The following CNTN3 variants were observed in gnomAD, a reference collection of about 807,000 sequenced individuals.
CNTN3 encodes contactin-3.
A neutral mutation model predicts 119.1 loss-of-function variants in CNTN3; 60 were observed. The ratio of observed to expected loss-of-function variants is 0.50; its 90% CI spans 0.41 to 0.62. CNTN3 has a LOEUF of 0.62. Among genes scored for constraint, CNTN3 ranks in the 20% least tolerant of loss-of-function variants. The pLI is 0.00. For synonymous variants in CNTN3, 450 were observed against 438.7 expected, an observed-to-expected ratio of 1.03 and a Z score of -0.32; for missense variants, 1,101 against 1,242.4, an observed-to-expected ratio of 0.89 and a Z score of 1.71.
chr3:74,548,910 T>C (rs1703949955), intron 1 of CNTN3, among the ~76,000 whole-genome samples: 1 of 152,214 alleles, frequency 6.6e-6, no homozygotes, highest in South Asian at 2.1e-4. Context: ...TGTACATTCA[T>C]GGTCTTACCC....
chr3:74,471,535 A>G (rs1170803560), intron 4 of CNTN3, among the ~76,000 whole-genome samples: 1 of 152,072 alleles, frequency 6.6e-6, no homozygotes, highest in Non-Finnish European at 1.5e-5. Flanking sequence ...GCCACAGAAC[A>G]CCTAGCGTTA....
chr3:74,599,927 T>G (rs1445758883), intron 1 of CNTN3, among the ~76,000 whole-genome samples: 1 of 152,054 alleles, frequency 6.6e-6, no homozygotes, highest in Admixed American at 6.6e-5. Flanking sequence ...GAACATTATG[T>G]TGAACCTTAA....
chr3:74,486,549 G>T lies in CNTN3; in HGVS notation c.265C>A (p.Pro89Thr), dbSNP rs1702862404. 1.2e-6 allele frequency: 2 copies of T among 1,609,992 alleles called. No individual in the cohort carries two copies. The highest frequency in any genetic ancestry group is 1.3e-5 in the African/African-American group (1 of 74,632). Residue 89 changes from proline to threonine, a missense_variant, in exon 4 of 23, where the codon CCC becomes ACC. Transcript: ENST00000263665. ...GTTCCTGTATCCCAATTTCTGTTGG[G>T]ATTAATAACCACAAGATTTCCTCCA... ...LNGGNLVVIN[P>T]NRNWDTGTYQ...
At position 74,369,369 on chromosome 3, in the gene CNTN3, T is replaced by C. The variant is rs960937500; in HGVS notation, c.766A>G (p.Ile256Val). 1.4e-5 allele frequency: 22 copies of C among 1,598,756 alleles called. No homozygotes were observed. The highest frequency in any genetic ancestry group is 5.3e-5 in the Admixed American group (3 of 57,022). The part of the protein sequence containing the change: ...KLECFALGNP[I>V]PQINWRRSDG... ...CTTCTTCTCCAATTAATCTGAGGTA[T>C]GGGACTAAGAAGAAAATCGTCAAGT... The change falls in exon 8 of 23, where the codon ATA (isoleucine) becomes GTA (valine). Residue 256 changes from isoleucine to valine, a missense_variant. Coordinates refer to ENST00000263665, the MANE Select transcript of CNTN3 (RefSeq NM_020872.3).
intron 11 of CNTN3, among the ~76,000 whole-genome samples, chr3:74,338,464 A>G (rs183765533): frequency 4.1e-4 from 61 of 150,360 alleles, no homozygotes; most frequent in East Asian, 1.4e-3. Context: ...ACATATGTGT[A>G]TACACATATG....
At chr3:74,476,656 A>G (rs1298616618) in intron 4 of CNTN3, among the ~76,000 whole-genome samples, 1 of 152,196 alleles carries the variant, frequency 6.6e-6, no homozygotes, top group African/African-American at 2.4e-5. Flanking sequence ...TTAGAGTTAA[A>G]CAAATAAAGT....
At chr3:74,315,960 C>T (rs1702822095) in intron 13 of CNTN3, among the ~76,000 whole-genome samples, 1 of 152,092 alleles carries the variant, frequency 6.6e-6, no homozygotes, top group Non-Finnish European at 1.5e-5. Context: ...ATTACTATGT[C>T]CTCAAAGGCA....
chr3:74,345,075 T>G (rs919238440), intron 11 of CNTN3, among the ~76,000 whole-genome samples: 1 of 152,218 alleles, frequency 6.6e-6, no homozygotes, highest in Non-Finnish European at 1.5e-5. Context: ...ACATTTTCTT[T>G]TATGATGACT....
chr3:74,335,595 T>A (rs1342870495), intron 12 of CNTN3, among the ~76,000 whole-genome samples: 1 of 152,152 alleles, frequency 6.6e-6, no homozygotes, highest in Non-Finnish European at 1.5e-5. Context: ...TTGTCTACAA[T>A]TATGCTAGTC....
At chr3:74,335,273 C>T (rs1168007487) in intron 12 of CNTN3, among the ~76,000 whole-genome samples, 1 of 151,884 alleles carries the variant, frequency 6.6e-6, no homozygotes, top group Non-Finnish European at 1.5e-5. Context: ...GTGTTTTCAC[C>T]AACTTTGACT....
At chr3:74,449,382 T>C (rs1000260678) in intron 4 of CNTN3, among the ~76,000 whole-genome samples, 1 of 151,834 alleles carries the variant, frequency 6.6e-6, no homozygotes, top group Non-Finnish European at 1.5e-5. Flanking sequence ...AACACTAATC[T>C]CTGTAGTCAT....
intron 1 of CNTN3, among the ~76,000 whole-genome samples, chr3:74,596,944 G>A (rs561621041): frequency 2.6e-5 from 4 of 152,152 alleles, no homozygotes; most frequent in East Asian, 1.9e-4. Flanking sequence ...GAGTAATCCC[G>A]TTACCTTCCA....
At chr3:74,481,856 T>C (rs958522122) in intron 4 of CNTN3, among the ~76,000 whole-genome samples, 4 of 151,712 alleles carry the variant, frequency 2.6e-5, no homozygotes, top group Non-Finnish European at 4.4e-5. Flanking sequence ...TAAGAGAAAA[T>C]TAAATATATG....
At chr3:74,341,575 A>T (rs1018664485) in intron 11 of CNTN3, among the ~76,000 whole-genome samples, 1 of 152,056 alleles carries the variant, frequency 6.6e-6, no homozygotes, top group African/African-American at 2.4e-5. Context: ...TTCCTTTTGT[A>T]GTAGGAGGTT....
chr3:74,496,923 A>G (rs1575783211), intron 3 of CNTN3, among the ~76,000 whole-genome samples: 1 of 152,148 alleles, frequency 6.6e-6, no homozygotes, highest in Non-Finnish European at 1.5e-5. Context: ...AACAAAGACA[A>G]GATCACTCTT....
chr3:74,443,604 G>A (rs1702001549), intron 4 of CNTN3, among the ~76,000 whole-genome samples: 1 of 152,072 alleles, frequency 6.6e-6, no homozygotes, highest in South Asian at 2.1e-4. Context: ...CTGCACTTCA[G>A]TCAGATGGAA....
intron 8 of CNTN3, among the ~76,000 whole-genome samples, 168 bp downstream of exon 8, chr3:74,369,021 C>A (rs1444771848): frequency 6.6e-6 from 1 of 152,004 alleles, no homozygotes; most frequent in Non-Finnish European, 1.5e-5. Flanking sequence ...AAATTTATTT[C>A]TTTTTAATTC....
At chr3:74,456,205 T>G (rs1398081885) in intron 4 of CNTN3, among the ~76,000 whole-genome samples, 6 of 147,040 alleles carry the variant, frequency 4.1e-5, no homozygotes. Context: ...ATGTTTTACA[T>G]GTGTATATAT....
intron 18 of CNTN3, 101 bp downstream of exon 18, chr3:74,297,856 G>C (rs1702372748): frequency 2.4e-6 from 2 of 828,890 alleles, no homozygotes; most frequent in African/African-American, 1.7e-5. Context: ...ATTGTTCTTT[G>C]GAATAAATAT....
Sources: allele counts gnomAD v4.1 joint callset (sites outside exome capture counted in the v4.1 genomes callset), GRCh38; gene constraint gnomAD v4.1.1; transcripts MANE v1.5; gene names NCBI Gene and HGNC (gene_info 2026-07-23, HGNC 2026-07-21).